The following PLD1 variants were observed in gnomAD, a reference collection of about 807,000 sequenced individuals.
PLD1 encodes choline phosphatase 1.
PLD1 carries 112 observed loss-of-function variants against 137.1 expected under a neutral mutation model. The ratio of observed to expected loss-of-function variants is 0.82; its 90% CI spans 0.70 to 0.96. PLD1 has a LOEUF of 0.96. Among genes scored for constraint, PLD1 ranks in the 40% least tolerant of loss-of-function variants. PLD1 has a pLI of 0.00. For missense variants in PLD1, 1,321 were observed against 1,342.0 expected, an observed-to-expected ratio of 0.98 and a Z score of 0.24; for synonymous variants, 431 against 454.7, an observed-to-expected ratio of 0.95 and a Z score of 0.66.
chr3:171,605,271 A>T, intron 26 of PLD1, 28 bp downstream of exon 26: 1 of 1,187,374 alleles, frequency 8.4e-7, no homozygotes. Flanking sequence ...GTGAAAAGAA[A>T]CGGAGGAGGG....
intron 1 of PLD1, among the ~76,000 whole-genome samples, chr3:171,806,916 C>T (rs573956548): frequency 3.5e-4 from 54 of 152,322 alleles, no homozygotes; most frequent in African/African-American, 1.3e-3. Context: ...AAATACATCA[C>T]AAGCTTATCC....
At chr3:171,693,294 C>G (rs1715381565) in intron 12 of PLD1, among the ~76,000 whole-genome samples, 1 of 152,198 alleles carries the variant, frequency 6.6e-6, no homozygotes, top group Admixed American at 6.5e-5. Context: ...CTTACGACGT[C>G]TGCACATTAC....
intron 1 of PLD1, among the ~76,000 whole-genome samples, chr3:171,766,981 A>G (rs1051610915): frequency 2.6e-5 from 4 of 152,234 alleles, no homozygotes; most frequent in African/African-American, 9.6e-5. Context: ...AAAAAAATAT[A>G]TGTCTCATAA....
At chr3:171,731,018 C>T (rs1457015101) in intron 6 of PLD1, among the ~76,000 whole-genome samples, 1 of 123,572 alleles carries the variant, frequency 8.1e-6, no homozygotes, top group Non-Finnish European at 1.7e-5. Flanking sequence ...AGTTCTCAAA[C>T]TCCTGATGAT....
intron 21 of PLD1, among the ~76,000 whole-genome samples, chr3:171,652,815 A>G (rs879600342): frequency 8.1e-6 from 1 of 123,780 alleles, no homozygotes; most frequent in African/African-American, 3.3e-5. Flanking sequence ...AGGTCTCACT[A>G]TGTTGCACAG....
chr3:171,739,668 T>G (rs1288060558), intron 1 of PLD1, among the ~76,000 whole-genome samples: 2 of 152,202 alleles, frequency 1.3e-5, no homozygotes, highest in Non-Finnish European at 2.9e-5. Context: ...CTGTGAGGGC[T>G]TGTTTTTTCT....
chr3:171,682,094 A>G (rs1714022339), intron 16 of PLD1, among the ~76,000 whole-genome samples: 1 of 140,826 alleles, frequency 7.1e-6, no homozygotes. Flanking sequence ...AACTTAAAGT[A>G]TAATACAGAA....
At chr3:171,752,546 A>T (rs1175651978) in intron 1 of PLD1, among the ~76,000 whole-genome samples, 1 of 152,206 alleles carries the variant, frequency 6.6e-6, no homozygotes, top group East Asian at 1.9e-4. Flanking sequence ...GCAAACATTA[A>T]TCTGTGATCA....
intron 25 of PLD1, among the ~76,000 whole-genome samples, chr3:171,609,502 A>G (rs1399422436): frequency 7.7e-6 from 1 of 130,546 alleles, no homozygotes. Context: ...CAATTACATA[A>G]AGAAAACACA....
chr3:171,668,391 A>G (rs1215868032), intron 19 of PLD1, among the ~76,000 whole-genome samples: 3 of 152,196 alleles, frequency 2.0e-5, no homozygotes, highest in Non-Finnish European at 4.4e-5. Context: ...CTCTCACACC[A>G]TTCTGGGATA....
At chr3:171,665,885 A>G in intron 19 of PLD1, among the ~76,000 whole-genome samples, 1 of 152,168 alleles carries the variant, frequency 6.6e-6, no homozygotes, top group Non-Finnish European at 1.5e-5. Flanking sequence ...ACTTACAATA[A>G]AAACTCATTA....
intron 24 of PLD1, among the ~76,000 whole-genome samples, chr3:171,617,247 C>A (rs1350354940): frequency 3.3e-5 from 5 of 152,266 alleles, no homozygotes; most frequent in Middle Eastern, 3.4e-3. Flanking sequence ...GAAATATCCC[C>A]CTCTTTACTG....
In PLD1 at chr3:171,715,652, A is replaced by T. The variant is rs551186357; in HGVS notation, c.759-1607T>A. Among the ~76,000 whole-genome samples the T allele has an allele frequency of 1.5e-3, 231 of 152,128 alleles. 1 individual carries two copies. The highest frequency in any genetic ancestry group is 2.5e-3 in the Non-Finnish European group (167 of 68,004). ...AGTTGTTCTTTTTACTAGTCATTAG[A>T]TATCAAGGTAATTTGATGCTGGGCT... On this transcript the variant is annotated intron_variant, in intron 8 of 26. Transcript: ENST00000351298.
chr3:171,708,945 A>G, intron 10 of PLD1, 107 bp from the exon 11 acceptor site: 2 of 664,934 alleles, frequency 3.0e-6, no homozygotes, highest in East Asian at 2.7e-5. Flanking sequence ...GTCTCCACAT[A>G]ACACATAACC....
chr3:171,757,217 A>G (rs1721089254), intron 1 of PLD1, among the ~76,000 whole-genome samples: 1 of 152,232 alleles, frequency 6.6e-6, no homozygotes, highest in African/African-American at 2.4e-5. Context: ...TCAGTGAGAT[A>G]ATTATGTTTT....
intron 21 of PLD1, among the ~76,000 whole-genome samples, chr3:171,649,908 A>G (rs1035429761): frequency 1.3e-5 from 2 of 152,256 alleles, no homozygotes; most frequent in Non-Finnish European, 2.9e-5. Flanking sequence ...AATGACCGCT[A>G]TGAAGGCTCA....
chr3:171,803,074 G>A (rs1027617760), intron 1 of PLD1, among the ~76,000 whole-genome samples: 1 of 152,184 alleles, frequency 6.6e-6, no homozygotes, highest in African/African-American at 2.4e-5. Flanking sequence ...AAGTTCCCAG[G>A]TGATTTTGTT....
intron 1 of PLD1, among the ~76,000 whole-genome samples, chr3:171,778,787 A>G (rs77896088): frequency 1.1e-3 from 169 of 152,374 alleles, no homozygotes; most frequent in Non-Finnish European, 2.0e-3. Flanking sequence ...AAACCATTGC[A>G]TAGTTTCATT....
Position 171,659,225 on chromosome 3 carries a change from AG to A in PLD1, c.2416del (p.Leu806Ter), listed in dbSNP as rs752727641. The A allele has an allele frequency of 4.2e-5, 67 of 1,610,186 alleles. No homozygotes were observed. Among genetic ancestry groups the A allele is most frequent in the Non-Finnish European group, 5.6e-5 (66 of 1,176,474 alleles). Reference sequence around the variant, plus strand: ...CAAAGGCTGTTACCTGTGAGCTTTCAGGATCCTCTGGGCAATGGCATCGCCT... The same window carrying A: ...CAAAGGCTGTTACCTGTGAGCTTTCAGATCCTCTGGGCAATGGCATCGCCT... ...KIGDAIAQRILKAHRENQKYR... is the reference protein window; with the variant it reads ...KIGDAIAQRIXKAHRENQKYR... On this transcript the variant is annotated frameshift_variant, in exon 21 of 27. Transcript: ENST00000351298. LOFTEE classifies it high-confidence loss of function.
Sources: gnomAD v4.1 joint callset for allele counts (sites outside exome capture counted in the v4.1 genomes callset) on GRCh38, gnomAD v4.1.1 for gene constraint, MANE v1.5 for transcripts, NCBI Gene and HGNC (gene_info 2026-07-23, HGNC 2026-07-21) for gene names.